The following PTPRZ1 variants were observed in gnomAD, a reference collection of about 807,000 sequenced individuals.
PTPRZ1 encodes the protein receptor-type tyrosine-protein phosphatase zeta.
Under a neutral mutation model 214.1 loss-of-function variants are expected in PTPRZ1, and 82 were observed. The observed-to-expected ratio is 0.38, with a 90% CI of 0.32 to 0.46. The LOEUF (loss-of-function observed/expected upper bound fraction) is 0.46, where lower values mean the gene tolerates loss of function less well. Among genes scored for constraint, PTPRZ1 ranks in the 20% least tolerant of loss-of-function variants. The probability of loss-of-function intolerance (pLI) is 1.00; values close to 1 mark genes in which losing one functional copy is unlikely to be tolerated. For missense variants in PTPRZ1, 2,603 were observed against 2,748.7 expected, an observed-to-expected ratio of 0.95 and a Z score of 1.19; for synonymous variants, 945 against 987.9, an observed-to-expected ratio of 0.96 and a Z score of 0.81.
chr7:121,952,528 G>A (rs1796586350), intron 2 of PTPRZ1, among the ~76,000 whole-genome samples: 1 of 152,126 alleles, frequency 6.6e-6, no homozygotes, highest in Non-Finnish European at 1.5e-5. Flanking sequence ...CAAGGCTTCA[G>A]TGAGCTACAG....
chr7:121,884,472 ACAT>A (rs1448352118), intron 1 of PTPRZ1, among the ~76,000 whole-genome samples: 4 of 152,296 alleles, frequency 2.6e-5, no homozygotes, highest in African/African-American at 9.6e-5. Context: ...TCCTTTGGAA[ACAT>A]CATTATGTTT....
intron 20 of PTPRZ1, among the ~76,000 whole-genome samples, chr7:122,040,609 C>A (rs531828522): frequency 3.0e-4 from 46 of 152,232 alleles, no homozygotes; most frequent in Admixed American, 3.0e-3. Flanking sequence ...CAATGGGCCA[C>A]CATAGTATAG....
At chr7:121,910,415 A>G (rs563255993) in intron 1 of PTPRZ1, among the ~76,000 whole-genome samples, 20 of 152,208 alleles carry the variant, frequency 1.3e-4, no homozygotes, top group Non-Finnish European at 2.8e-4. Flanking sequence ...CCTTGCTACA[A>G]TGTGAACTAC....
intron 2 of PTPRZ1, chr7:121,966,895 G>A (rs570978652): frequency 6.6e-6 from 1 of 152,160 alleles, no homozygotes; most frequent in South Asian, 2.1e-4. Flanking sequence ...GTAAAATCTT[G>A]GCCTTACCCG....
At chr7:121,891,810 C>T (rs1406600787) in intron 1 of PTPRZ1, among the ~76,000 whole-genome samples, 1 of 151,948 alleles carries the variant, frequency 6.6e-6, no homozygotes, top group African/African-American at 2.4e-5. Context: ...TTATTCTAGA[C>T]ATTAACTAGT....
chr7:122,026,785 G>A (rs1380791862), intron 13 of PTPRZ1, among the ~76,000 whole-genome samples: 1 of 152,116 alleles, frequency 6.6e-6, no homozygotes, highest in Admixed American at 6.6e-5. Flanking sequence ...TGCTATGTAC[G>A]TCATTGCTTT....
chr7:121,952,112 CCAT>C (rs1300826366), intron 2 of PTPRZ1, among the ~76,000 whole-genome samples: 6 of 152,152 alleles, frequency 3.9e-5, no homozygotes, highest in African/African-American at 1.4e-4. Flanking sequence ...GCGCCCACCA[CCAT>C]GCCTGGCTAA....
In PTPRZ1 at chr7:122,013,638, T is replaced by G. The variant is rs202141325; in HGVS notation, c.4592T>G (p.Leu1531Arg). Residue 1531 changes from leucine (L) to arginine (R), a missense_variant, in exon 12 of 30, where the codon CTT (leucine) becomes CGT (arginine). Physicochemically the swap from Leu to Arg is moderately radical, Grantham distance 102 (BLOSUM62 -2). Transcript: ENST00000393386. The stretch of plus-strand genomic sequence containing the variant: ...GACATTCAGACTGGTAGTGCTCTGC[T>G]TCCTCTCAGCCCTGAATCTAAAGCA... ...ENDIQTGSAL[L>R]PLSPESKAWA... The G allele has an allele frequency of 9.3e-6, 15 of 1,614,122 alleles. No individual in the cohort carries two copies. Among genetic ancestry groups the G allele is most frequent in the Non-Finnish European group, 4.2e-6 (5 of 1,180,050 alleles).
At position 121,873,293 on chromosome 7, in the gene PTPRZ1, GTC is replaced by G. The variant is rs1174975323; in HGVS notation, c.-199_-198del. The stretch of plus-strand genomic sequence containing the variant: ...TATTCCTCTCTCGCTGTCTCTGACT[GTC>G]TCTCTCTGTCTCTGTCTCTGTCTCT... On this transcript the variant is annotated 5_prime_UTR_variant, in exon 1 of 30. Transcript: ENST00000393386. The G allele has an allele frequency of 1.9e-6, 1 of 519,968 alleles. No individual in the cohort carries two copies. The highest frequency in any genetic ancestry group is 3.2e-5 in the Admixed American group (1 of 31,544). 32.2% of individuals were successfully genotyped at this position (519,968 alleles called of 1,614,324 possible).
intron 2 of PTPRZ1, among the ~76,000 whole-genome samples, chr7:121,951,552 T>C (rs1305079164): frequency 6.6e-6 from 1 of 152,194 alleles, no homozygotes; most frequent in African/African-American, 2.4e-5. Flanking sequence ...TTGTTGACTT[T>C]TACCTTGTCC....
At chr7:121,883,812 G>C (rs1006588551) in intron 1 of PTPRZ1, among the ~76,000 whole-genome samples, 3 of 152,164 alleles carry the variant, frequency 2.0e-5, no homozygotes, top group Admixed American at 1.3e-4. Flanking sequence ...TTTTAGTAGA[G>C]ATGGGGTTTC....
At chr7:121,896,501 A>T (rs1262364421) in intron 1 of PTPRZ1, among the ~76,000 whole-genome samples, 1 of 152,206 alleles carries the variant, frequency 6.6e-6, no homozygotes, top group Non-Finnish European at 1.5e-5. Flanking sequence ...TCAATAAAAT[A>T]TTAATCACCC....
chr7:121,928,238 TATA>T lies in PTPRZ1; in HGVS notation c.124+20_124+22del. The T allele has an allele frequency of 6.4e-7, 1 of 1,557,848 alleles. No homozygotes were observed. The highest frequency in any genetic ancestry group is 1.2e-5 in the South Asian group (1 of 83,316). ...CCTATACAGGTAAACATATTACTTATATAATGAGATTTAGCAGAAACTTTTATT... is the reference window on the plus strand; with the variant it reads ...CCTATACAGGTAAACATATTACTTATATGAGATTTAGCAGAAACTTTTATT... On this transcript the variant is annotated intron_variant, in intron 2 of 29. Coordinates refer to ENST00000393386, the MANE Select transcript of PTPRZ1 (RefSeq NM_002851.3).
At chr7:122,051,664 A>G in intron 24 of PTPRZ1, 143 bp downstream of exon 24, 1 of 843,354 alleles carries the variant, frequency 1.2e-6, no homozygotes, top group Non-Finnish European at 1.9e-6. Flanking sequence ...ACTGTTCCAA[A>G]GGACTCATAA....
rs1799275825 is a variant in PTPRZ1 at position 122,028,571 on chromosome 7, C to A, written c.5008C>A (p.His1670Asn). The stretch of plus-strand genomic sequence containing the variant: ...TTCCAGGAAATGCTTCCAGACTGCA[C>A]ACTTTTACTTAGAGGACAGTACATC... ...IYWRKCFQTAHFYLEDSTSPR... is the reference protein window; with the variant it reads ...IYWRKCFQTANFYLEDSTSPR... The change falls in exon 14 of 30, where the codon CAC (histidine) becomes AAC (asparagine). Residue 1670 changes from histidine to asparagine, a missense_variant. Coordinates refer to ENST00000393386, the MANE Select transcript of PTPRZ1 (RefSeq NM_002851.3). 4 of 1,541,134 alleles carry A rather than the reference C, an allele frequency of 2.6e-6. No individual in the cohort carries two copies. The East Asian group carries it at 9.0e-5, about 35-fold the overall frequency.
chr7:122,049,372 T>C (rs1367518450), intron 23 of PTPRZ1, among the ~76,000 whole-genome samples: 2 of 152,036 alleles, frequency 1.3e-5, no homozygotes, highest in African/African-American at 2.4e-5. Context: ...GAAAAGGATT[T>C]GCAGATAGAT....
intron 6 of PTPRZ1, among the ~76,000 whole-genome samples, chr7:121,979,028 T>C (rs2177510): frequency 0.86 from 130,615 of 151,796 alleles, 56,340 homozygotes; most frequent in Middle Eastern, 0.9. Flanking sequence ...CACAGCTAAA[T>C]CCCCAAATTT....
chr7:122,037,767 G>A (rs779440089), intron 18 of PTPRZ1, among the ~76,000 whole-genome samples: 7 of 152,174 alleles, frequency 4.6e-5, no homozygotes, highest in Non-Finnish European at 8.8e-5. Flanking sequence ...CTGGCTAGCT[G>A]TGGGACTTTG....
intron 1 of PTPRZ1, among the ~76,000 whole-genome samples, chr7:121,874,565 G>A (rs1164599749): frequency 6.6e-6 from 1 of 152,204 alleles, no homozygotes. Flanking sequence ...TCATAGTAGA[G>A]TAGATATTAA....
Sources: allele counts gnomAD v4.1 joint callset (sites outside exome capture counted in the v4.1 genomes callset), GRCh38; gene constraint gnomAD v4.1.1; transcripts MANE v1.5; gene names NCBI Gene and HGNC (gene_info 2026-07-23, HGNC 2026-07-21).